ASTN2: variants seen among roughly 807,000 people sequenced by gnomAD.
ASTN2 encodes astrotactin-2.
In ASTN2, 54 loss-of-function variants were observed where a neutral mutation model predicts 139.8. The observed-to-expected ratio is 0.39, with a 90% CI of 0.31 to 0.48. The LOEUF (loss-of-function observed/expected upper bound fraction) is 0.48, where lower values mean the gene tolerates loss of function less well. ASTN2 is among the 20% of genes least tolerant of loss of function. The pLI, the probability that ASTN2 is intolerant of heterozygous loss-of-function variation, is 0.95. For missense variants in ASTN2, 1,565 were observed against 1,725.1 expected (o/e 0.91, Z 1.64); for synonymous variants, 756 against 719.5 (o/e 1.05, Z -0.81).
intron 5 of ASTN2, among the ~76,000 whole-genome samples, chr9:117,064,686 A>G (rs1827877323): frequency 6.6e-6 from 1 of 152,158 alleles, no homozygotes; most frequent in South Asian, 2.1e-4. Context: ...ATGAGAAATT[A>G]CATGTTGGGT....
At chr9:116,541,994 A>G (rs1418056198) in intron 19 of ASTN2, among the ~76,000 whole-genome samples, 1 of 152,228 alleles carries the variant, frequency 6.6e-6, no homozygotes, top group Non-Finnish European at 1.5e-5. Flanking sequence ...GTATCGACAC[A>G]GTCAAGAAAC....
intron 4 of ASTN2, among the ~76,000 whole-genome samples, chr9:117,132,923 G>A (rs760765697): frequency 7.2e-5 from 11 of 152,106 alleles, no homozygotes; most frequent in Non-Finnish European, 1.5e-4. Flanking sequence ...ATATTCTCAC[G>A]ACAGTCCTGG....
chr9:116,740,345 A>G (rs1157739212), intron 13 of ASTN2, among the ~76,000 whole-genome samples: 1 of 151,412 alleles, frequency 6.6e-6, no homozygotes. Flanking sequence ...AGTGATAGAA[A>G]GAGCATGGGC....
chr9:116,464,662 T>C (rs553174281), intron 20 of ASTN2, among the ~76,000 whole-genome samples: 30 of 152,332 alleles, frequency 2.0e-4, no homozygotes, highest in Non-Finnish European at 3.4e-4. Context: ...TATGAGAAAC[T>C]GCATGACTAA....
chr9:116,973,106 A>G (rs1198029653), intron 10 of ASTN2, among the ~76,000 whole-genome samples: 1 of 152,176 alleles, frequency 6.6e-6, no homozygotes, highest in East Asian at 1.9e-4. Flanking sequence ...GATGATTGCA[A>G]TCTTTTATCC....
chr9:116,543,354 C>T (rs1461828816), intron 19 of ASTN2, among the ~76,000 whole-genome samples: 1 of 151,554 alleles, frequency 6.6e-6, no homozygotes, highest in African/African-American at 2.4e-5. Flanking sequence ...GGAGGATCAC[C>T]CAAGCCTAGG....
chr9:117,288,489 A>G (rs1834503633), intron 2 of ASTN2, among the ~76,000 whole-genome samples: 1 of 152,124 alleles, frequency 6.6e-6, no homozygotes, highest in Non-Finnish European at 1.5e-5. Flanking sequence ...GATGAAAACA[A>G]TAGTGTATCC....
intron 19 of ASTN2, among the ~76,000 whole-genome samples, chr9:116,523,565 A>G (rs948259468): frequency 6.6e-6 from 1 of 152,142 alleles, no homozygotes; most frequent in African/African-American, 2.4e-5. Context: ...CAGCACTGTA[A>G]GGACTGGCGA....
intron 6 of ASTN2, among the ~76,000 whole-genome samples, chr9:117,031,310 G>A (rs1016018024): frequency 1.3e-5 from 2 of 152,082 alleles, no homozygotes; most frequent in Non-Finnish European, 2.9e-5. Flanking sequence ...GTTTTTTACA[G>A]ACACAATTTC....
At chr9:116,726,731 A>ACATGGGG (rs141006621) in intron 15 of ASTN2, among the ~76,000 whole-genome samples, 5,229 of 152,212 alleles carry the variant, frequency 0.034, 312 homozygotes, top group African/African-American at 0.12. Flanking sequence ...TCAGCACTTA[A>ACATGGGG]CATGGGGCCT....
In ASTN2 at chr9:116,874,646, G is replaced by C. The variant is rs765933975; in HGVS notation, c.1890-10913C>G. ...CAAACAAATAAAGATCCTCAATAAA[G>C]AGCTGTTGTGTTTTGGAAATGAGTT... On this transcript the variant is annotated intron_variant, in intron 10 of 22. Coordinates refer to ENST00000313400, the MANE Select transcript of ASTN2 (RefSeq NM_001365068.1). 9.3e-4 allele frequency among the ~76,000 whole-genome samples: 141 copies of C among 152,242 alleles called. 1 individual carries two copies. Among genetic ancestry groups the C allele is most frequent in the Non-Finnish European group, 1.6e-3 (111 of 68,014 alleles).
chr9:117,116,232 G>A (rs558460643), intron 4 of ASTN2, among the ~76,000 whole-genome samples: 1 of 152,136 alleles, frequency 6.6e-6, no homozygotes. Context: ...GATTAGGGTT[G>A]TGTGTGTAGT....
chr9:117,225,338 A>G (rs1202003321), intron 2 of ASTN2, among the ~76,000 whole-genome samples: 1 of 151,226 alleles, frequency 6.6e-6, no homozygotes, highest in Non-Finnish European at 1.5e-5. Flanking sequence ...CGCAAATCCC[A>G]CTCTGAAGGA....
intron 17 of ASTN2, among the ~76,000 whole-genome samples, chr9:116,641,514 G>A (rs557742295): frequency 7.2e-5 from 11 of 152,134 alleles, no homozygotes; most frequent in Non-Finnish European, 1.5e-4. Flanking sequence ...AGTACATAAA[G>A]TGCTTTAGCT....
At chr9:116,752,426 C>G (rs1373742634) in intron 13 of ASTN2, among the ~76,000 whole-genome samples, 1 of 152,106 alleles carries the variant, frequency 6.6e-6, no homozygotes, top group East Asian at 1.9e-4. Context: ...ACCTACAAAA[C>G]TTCTAGGAGA....
intron 13 of ASTN2, among the ~76,000 whole-genome samples, chr9:116,746,076 CTGAG>C (rs1829224106): frequency 6.7e-6 from 1 of 148,732 alleles, no homozygotes; most frequent in African/African-American, 2.5e-5. Context: ...CCAAGGCAAA[CTGAG>C]TACTTTTTTT....
At position 117,016,620 on chromosome 9, in the gene ASTN2, CTATCTATATA is replaced by C. The variant is rs1257496254; in HGVS notation, c.1424-8371_1424-8362del. Among the ~76,000 whole-genome samples the C allele has an allele frequency of 1.0e-3, 16 of 16,012 alleles. 2 individuals are homozygous for C. Among genetic ancestry groups the C allele is most frequent in the East Asian group, 5.1e-3 (3 of 592 alleles). 10.5% of individuals were successfully genotyped at this position (16,012 alleles called of 152,430 possible). ...TATATATATCTATATCTATATCTAT[CTATCTATATA>C]TATATATATATATATATATATATAT... On this transcript the variant is annotated intron_variant, in intron 6 of 22. Transcript: ENST00000313400.
chr9:116,965,494 A>T (rs1045019419), intron 10 of ASTN2, among the ~76,000 whole-genome samples: 1 of 152,196 alleles, frequency 6.6e-6, no homozygotes, highest in African/African-American at 2.4e-5. Context: ...GGGAGTCATG[A>T]TTATCACAAC....
intron 5 of ASTN2, among the ~76,000 whole-genome samples, chr9:117,040,610 C>T (rs993541087): frequency 2.6e-5 from 4 of 152,154 alleles, no homozygotes; most frequent in East Asian, 1.9e-4. Context: ...AGGCACCCAC[C>T]ACCAAGCCCA....
Sources: gnomAD v4.1 joint callset for allele counts (sites outside exome capture counted in the v4.1 genomes callset) on GRCh38, gnomAD v4.1.1 for gene constraint, MANE v1.5 for transcripts, NCBI Gene and HGNC (gene_info 2026-07-23, HGNC 2026-07-21) for gene names.